SLC24A3: variants seen among roughly 807,000 people sequenced by gnomAD.
SLC24A3 encodes the protein solute carrier family 24 member 3.
A neutral mutation model predicts 75.8 loss-of-function variants in SLC24A3; 28 were observed. The observed-to-expected ratio is 0.37, with a 90% CI of 0.27 to 0.51. The LOEUF (loss-of-function observed/expected upper bound fraction) is 0.51. Among genes scored for constraint, SLC24A3 ranks in the 20% least tolerant of loss-of-function variants. The pLI, the probability that SLC24A3 is intolerant of heterozygous loss-of-function variation, is 0.94. For synonymous variants in SLC24A3, 372 were observed against 334.1 expected, an observed-to-expected ratio of 1.11 and a Z score of -1.24; for missense variants, 663 against 847.8, an observed-to-expected ratio of 0.78 and a Z score of 2.71.
At chr20:19,336,052 G>T (rs991222315) in intron 2 of SLC24A3, among the ~76,000 whole-genome samples, 1 of 152,070 alleles carries the variant, frequency 6.6e-6, no homozygotes, top group African/African-American at 2.4e-5. Context: ...AGTCATTTCT[G>T]TCATAACATA....
intron 3 of SLC24A3, among the ~76,000 whole-genome samples, chr20:19,523,863 C>G (rs6081632): frequency 0.15 from 22,284 of 152,078 alleles, 1,827 homozygotes; most frequent in Middle Eastern, 0.2. Flanking sequence ...TTCTTGCTAC[C>G]TGTGCATGCC....
chr20:19,449,102 G>A (rs1252835102), intron 2 of SLC24A3, among the ~76,000 whole-genome samples: 1 of 152,202 alleles, frequency 6.6e-6, no homozygotes, highest in Non-Finnish European at 1.5e-5. Flanking sequence ...AAATGGGAAG[G>A]GCCCATCAAG....
chr20:19,583,133 A>T (rs369259180), intron 4 of SLC24A3, among the ~76,000 whole-genome samples: 2 of 152,114 alleles, frequency 1.3e-5, no homozygotes, highest in African/African-American at 2.4e-5. Context: ...GAGCAGCTCC[A>T]GGGTAATATC....
At chr20:19,696,703 G>A (rs1206597060) in intron 13 of SLC24A3, 94 bp from the exon 14 acceptor site, 1 of 817,328 alleles carries the variant, frequency 1.2e-6, no homozygotes, top group African/African-American at 1.7e-5. Flanking sequence ...AGATAGCCCA[G>A]ACCATAGCCT....
chr20:19,498,090 G>A (rs1404484993), intron 2 of SLC24A3, among the ~76,000 whole-genome samples: 1 of 152,070 alleles, frequency 6.6e-6, no homozygotes, highest in Non-Finnish European at 1.5e-5. Flanking sequence ...GCACATGCGA[G>A]GGATCTAGGT....
intron 2 of SLC24A3, among the ~76,000 whole-genome samples, chr20:19,306,664 C>G (rs2122253985): frequency 6.6e-6 from 1 of 151,104 alleles, no homozygotes; most frequent in South Asian, 2.1e-4. Context: ...TACACATGGA[C>G]ATAAAGATGG....
At chr20:19,560,378 G>A (rs1446211097) in intron 3 of SLC24A3, among the ~76,000 whole-genome samples, 2 of 152,198 alleles carry the variant, frequency 1.3e-5, no homozygotes, top group African/African-American at 2.4e-5. Context: ...TTTAAAACCC[G>A]GGCACTTTCA....
chr20:19,619,500 G>A (rs964645737), intron 6 of SLC24A3, among the ~76,000 whole-genome samples: 7 of 152,192 alleles, frequency 4.6e-5, no homozygotes, highest in Non-Finnish European at 7.3e-5. Flanking sequence ...GAGCTTTCCC[G>A]TGGATCCATA....
At chr20:19,257,271 G>C (rs1181331028) in intron 1 of SLC24A3, among the ~76,000 whole-genome samples, 1 of 152,114 alleles carries the variant, frequency 6.6e-6, no homozygotes, top group Non-Finnish European at 1.5e-5. Flanking sequence ...CTACAGCTGT[G>C]GATGGGGCTG....
intron 2 of SLC24A3, among the ~76,000 whole-genome samples, chr20:19,388,527 C>A (rs746385950): frequency 6.6e-6 from 1 of 152,070 alleles, no homozygotes; most frequent in Non-Finnish European, 1.5e-5. Context: ...CTGGCTAACA[C>A]GGTGAAACCC....
intron 1 of SLC24A3, among the ~76,000 whole-genome samples, chr20:19,245,332 T>C (rs972182698): frequency 2.0e-5 from 3 of 152,174 alleles, no homozygotes; most frequent in Non-Finnish European, 2.9e-5. Flanking sequence ...TCAGTAGAAA[T>C]GAACTCTAAA....
chr20:19,399,210 A>G (rs985545393), intron 2 of SLC24A3, among the ~76,000 whole-genome samples: 5 of 151,598 alleles, frequency 3.3e-5, no homozygotes, highest in African/African-American at 1.2e-4. Context: ...GGTTTCATTG[A>G]TTTTCTTAAT....
chr20:19,407,536 G>A (rs969555005), intron 2 of SLC24A3, among the ~76,000 whole-genome samples: 1 of 152,222 alleles, frequency 6.6e-6, no homozygotes, highest in Non-Finnish European at 1.5e-5. Context: ...CTGCAGGAAA[G>A]ATGCAGCAGA....
At chr20:19,502,798 A>T (rs1023109921) in intron 2 of SLC24A3, among the ~76,000 whole-genome samples, 1 of 148,034 alleles carries the variant, frequency 6.8e-6, no homozygotes, top group Non-Finnish European at 1.5e-5. Context: ...TGGGAGGCCA[A>T]GGTGGGAGGA....
Position 19,271,327 on chromosome 20 carries a change from T to TA in SLC24A3, c.143-9619dup, listed in dbSNP as rs1354173057. Among the ~76,000 whole-genome samples the TA allele has an allele frequency of 3.2e-3, 415 of 130,200 alleles. 1 individual carries two copies. Among genetic ancestry groups the TA allele is most frequent in the East Asian group, 0.021 (98 of 4,600 alleles). The allele number at this position is 130,200 out of a possible 152,430, so 85.4% of individuals were successfully genotyped here. A position where few individuals can be genotyped will look rare whatever the true frequency, so the allele number is the denominator to read the frequency against. On this transcript the variant is annotated intron_variant, in intron 1 of 16. Transcript: ENST00000328041. The stretch of plus-strand genomic sequence containing the variant: ...TGCAAGAATGGCCATAATTAAAAAA[T>TA]AAAAAAAAAAAAAGATGTTGGTGTG...
At chr20:19,323,572 C>G (rs564680734) in intron 2 of SLC24A3, among the ~76,000 whole-genome samples, 1 of 152,296 alleles carries the variant, frequency 6.6e-6, no homozygotes, top group Admixed American at 6.5e-5. Flanking sequence ...GCTGTCCCCC[C>G]AGCACACATC....
chr20:19,254,685 C>T (rs1440713929), intron 1 of SLC24A3, among the ~76,000 whole-genome samples: 4 of 152,218 alleles, frequency 2.6e-5, no homozygotes, highest in African/African-American at 7.2e-5. Context: ...CACATGTTCC[C>T]TGGAGCTAGA....
intron 6 of SLC24A3, among the ~76,000 whole-genome samples, chr20:19,588,478 G>A (rs1485329873): frequency 6.6e-6 from 1 of 152,230 alleles, no homozygotes; most frequent in African/African-American, 2.4e-5. Flanking sequence ...GATGAATTCA[G>A]TGTAATTAAA....
At chr20:19,585,199 C>A in intron 5 of SLC24A3, 144 bp downstream of exon 5, 1 of 784,170 alleles carries the variant, frequency 1.3e-6, no homozygotes. Flanking sequence ...CATCAGCCTC[C>A]CATCTGCCGT....
Sources: allele counts gnomAD v4.1 joint callset (sites outside exome capture counted in the v4.1 genomes callset), GRCh38; gene constraint gnomAD v4.1.1; transcripts MANE v1.5; gene names NCBI Gene and HGNC (gene_info 2026-07-23, HGNC 2026-07-21).